The following GLIS3 variants were observed in gnomAD, a reference collection of about 807,000 sequenced individuals.
The protein encoded by GLIS3 is GLIS family zinc finger 3, also known as zinc finger protein GLIS3.
GLIS3 carries 53 observed loss-of-function variants against 78.6 expected under a neutral mutation model. That is an observed-to-expected ratio of 0.67 (90% CI 0.54 to 0.85). The LOEUF (loss-of-function observed/expected upper bound fraction) is 0.85, where lower values mean the gene tolerates loss of function less well. Among genes scored for constraint, GLIS3 ranks in the 40% least tolerant of loss-of-function variants. The probability of loss-of-function intolerance (pLI) is 0.00; values close to 1 mark genes in which losing one functional copy is unlikely to be tolerated. For missense variants in GLIS3, 1,703 were observed against 1,231.1 expected, an observed-to-expected ratio of 1.38 and a Z score of -5.74; for synonymous variants, 684 against 509.9, an observed-to-expected ratio of 1.34 and a Z score of -4.60.
chr9:4,434,877 G>A, the GLIS3 span, among the ~76,000 whole-genome samples: 4 of 152,140 alleles, frequency 2.6e-5, no homozygotes, highest in African/African-American at 9.7e-5. Flanking sequence ...TGCTGAGCTG[G>A]GTGCTAGAGA....
chr9:4,467,872 A>G, the GLIS3 span, among the ~76,000 whole-genome samples: 1 of 152,338 alleles, frequency 6.6e-6, no homozygotes, highest in South Asian at 2.1e-4. Flanking sequence ...ACCCATCACA[A>G]AGAAGCTAAA....
intron 1 of GLIS3, among the ~76,000 whole-genome samples, chr9:4,288,032 T>A (rs1338805633): frequency 2.0e-5 from 3 of 152,164 alleles, no homozygotes; most frequent in Non-Finnish European, 2.9e-5. Context: ...CTAAGTCAGG[T>A]CTCACTCCTG....
intron 4 of GLIS3, among the ~76,000 whole-genome samples, chr9:4,108,500 C>T (rs806027): frequency 1 from 151,992 of 152,278 alleles, 75,853 homozygotes; most frequent in Non-Finnish European, 1. Context: ...TCCTCCATTT[C>T]CGCTTCATTA....
In GLIS3 at chr9:4,085,570, T is replaced by C. The variant is rs144938805; in HGVS notation, c.1710+32198A>G. Among the ~76,000 whole-genome samples, 290 of 152,212 alleles carry C rather than the reference T, an allele frequency of 1.9e-3. 4 individuals carry two copies. Among genetic ancestry groups the C allele is most frequent in the African/African-American group, 6.1e-3 (252 of 41,486 alleles). ...ATCCTTCTGAGAACCATCAAAATTA[T>C]TGACATATTATAAATATTTGTCCCT... On this transcript the variant is annotated intron_variant, in intron 4 of 10. Transcript: ENST00000381971.
At chr9:4,416,252 T>TTTAAA in the GLIS3 span, among the ~76,000 whole-genome samples, 1,452 of 75,762 alleles carry the variant, frequency 0.019, 167 homozygotes, top group African/African-American at 0.07. Context: ...ACACTGTTTT[T>TTTAAA]AAAAAAAAAA....
At chr9:3,970,782 A>C (rs1307551731) in intron 4 of GLIS3, among the ~76,000 whole-genome samples, 1 of 152,234 alleles carries the variant, frequency 6.6e-6, no homozygotes, top group East Asian at 1.9e-4. Context: ...CCAAGTAAAT[A>C]TCCTAGTGTG....
At chr9:4,449,165 A>C in the GLIS3 span, among the ~76,000 whole-genome samples, 8 of 152,204 alleles carry the variant, frequency 5.3e-5, no homozygotes, top group Non-Finnish European at 1.0e-4. Flanking sequence ...CCAGGAGATT[A>C]TATACCATGC....
chr9:4,338,465 G>A (rs1296306285), intron 2 of GLIS3, among the ~76,000 whole-genome samples: 1 of 151,878 alleles, frequency 6.6e-6, no homozygotes, highest in South Asian at 2.1e-4. Flanking sequence ...ATTCAGCTCA[G>A]GACTGGTATT....
At chr9:4,454,454 A>G in the GLIS3 span, among the ~76,000 whole-genome samples, 35 of 152,332 alleles carry the variant, frequency 2.3e-4, no homozygotes, top group South Asian at 7.0e-3. Context: ...TAAAGGTTAT[A>G]TATGTCTTAT....
At chr9:3,869,410 T>A (rs1018758312) in intron 8 of GLIS3, among the ~76,000 whole-genome samples, 4 of 152,044 alleles carry the variant, frequency 2.6e-5, no homozygotes, top group Non-Finnish European at 5.9e-5. Flanking sequence ...CATATACAAA[T>A]AAGTGAGAAT....
chr9:4,068,964 G>A (rs545941346), intron 4 of GLIS3, among the ~76,000 whole-genome samples: 22 of 152,152 alleles, frequency 1.4e-4, no homozygotes, highest in Middle Eastern at 3.4e-3. Context: ...AAAATCAACC[G>A]TAATGTAACC....
At chr9:4,372,312 A>C in the GLIS3 span, among the ~76,000 whole-genome samples, 1 of 152,148 alleles carries the variant, frequency 6.6e-6, no homozygotes, top group Non-Finnish European at 1.5e-5. Flanking sequence ...ACCAGGTTGT[A>C]TTAATCATTG....
intron 4 of GLIS3, among the ~76,000 whole-genome samples, chr9:4,090,649 G>C (rs932478792): frequency 6.6e-6 from 1 of 152,194 alleles, no homozygotes. Flanking sequence ...ACAGGTTTAG[G>C]CTGAAATTAT....
intron 8 of GLIS3, among the ~76,000 whole-genome samples, chr9:3,867,869 G>T (rs1352006177): frequency 6.6e-6 from 1 of 151,972 alleles, no homozygotes; most frequent in African/African-American, 2.4e-5. Flanking sequence ...GAGAGAAACT[G>T]GTCCTCTCAT....
chr9:3,890,696 G>T (rs1324117280), intron 7 of GLIS3, among the ~76,000 whole-genome samples: 2 of 152,064 alleles, frequency 1.3e-5, no homozygotes, highest in Non-Finnish European at 2.9e-5. Flanking sequence ...TTTAGATTTA[G>T]CTCCACGTTC....
chr9:4,147,797 C>G (rs1438452491), intron 2 of GLIS3, among the ~76,000 whole-genome samples: 1 of 142,828 alleles, frequency 7.0e-6, no homozygotes, highest in African/African-American at 2.6e-5. Flanking sequence ...AGCAAAGTTT[C>G]ACTTGCTGAG....
At chr9:4,423,084 T>C in the GLIS3 span, among the ~76,000 whole-genome samples, 3 of 151,980 alleles carry the variant, frequency 2.0e-5, no homozygotes, top group African/African-American at 4.8e-5. Context: ...TATGCCTCCA[T>C]AGGTGGGGTC....
At chr9:4,314,068 G>C (rs4529510) in intron 2 of GLIS3, among the ~76,000 whole-genome samples, 52,408 of 152,112 alleles carry the variant, frequency 0.34, 9,546 homozygotes, top group African/African-American at 0.46. Flanking sequence ...TTATTAGCTG[G>C]TGTGACCCGG....
the GLIS3 span, among the ~76,000 whole-genome samples, chr9:4,359,661 G>C: frequency 4.5e-4 from 68 of 152,248 alleles, no homozygotes; most frequent in Non-Finnish European, 1.5e-4. Context: ...TTTAATTTTA[G>C]AACTAAAATG....
Sources: gnomAD v4.1 joint callset for allele counts (sites outside exome capture counted in the v4.1 genomes callset) on GRCh38, gnomAD v4.1.1 for gene constraint, MANE v1.5 for transcripts, NCBI Gene and HGNC (gene_info 2026-07-23, HGNC 2026-07-21) for gene names.